Variants in GRIK1 observed in about 807,000 individuals in gnomAD.
GRIK1 encodes glutamate ionotropic receptor kainate type subunit 1.
GRIK1 carries 69 observed loss-of-function variants against 105.7 expected under a neutral mutation model. The observed-to-expected ratio is 0.65, with a 90% CI of 0.54 to 0.80. The LOEUF is 0.80. Among genes scored for constraint, GRIK1 ranks in the 30% least tolerant of loss-of-function variants. The pLI is 0.00. For missense variants in GRIK1, 1,109 were observed against 1,167.3 expected, an observed-to-expected ratio of 0.95 and a Z score of 0.73; for synonymous variants, 438 against 431.3, an observed-to-expected ratio of 1.02 and a Z score of -0.19.
intron 1 of GRIK1, among the ~76,000 whole-genome samples, chr21:29,770,129 A>G (rs1379843870): frequency 2.0e-5 from 3 of 152,166 alleles, no homozygotes; most frequent in African/African-American, 7.2e-5. Context: ...TCTTCTTTCA[A>G]CTGATACAAA....
chr21:29,551,811 G>A (rs2090140860), intron 16 of GRIK1, among the ~76,000 whole-genome samples: 1 of 152,068 alleles, frequency 6.6e-6, no homozygotes, highest in Admixed American at 6.5e-5. Context: ...GTCTTTGGGA[G>A]AGTAAACTTA....
chr21:29,721,107 A>G (rs917529638), intron 1 of GRIK1, among the ~76,000 whole-genome samples: 1 of 149,060 alleles, frequency 6.7e-6, no homozygotes, highest in African/African-American at 2.5e-5. Context: ...CCTCTCCCCT[A>G]TGAAGAAGGT....
chr21:29,615,803 G>A (rs1309418655), intron 7 of GRIK1, among the ~76,000 whole-genome samples: 2 of 152,124 alleles, frequency 1.3e-5, no homozygotes, highest in Non-Finnish European at 1.5e-5. Context: ...AGGCTTTTGC[G>A]GTTTCACCTG....
chr21:29,647,938 A>G (rs2062652105), intron 6 of GRIK1, among the ~76,000 whole-genome samples: 1 of 152,172 alleles, frequency 6.6e-6, no homozygotes, highest in Non-Finnish European at 1.5e-5. Flanking sequence ...TAATTTTTAA[A>G]CTAAATTTTT....
At chr21:29,865,442 G>A (rs80190227) in intron 1 of GRIK1, among the ~76,000 whole-genome samples, 1 of 152,154 alleles carries the variant, frequency 6.6e-6, no homozygotes, top group African/African-American at 2.4e-5. Context: ...GAATAAATAC[G>A]TAAAATTCTG....
At position 29,934,566 on chromosome 21, in the gene GRIK1, TA is replaced by T. The variant is rs563369070; in HGVS notation, c.118+4816del. On this transcript the variant is annotated intron_variant, in intron 1 of 17. Coordinates refer to ENST00000327783, the MANE Select transcript of GRIK1 (RefSeq NM_001330994.2). ...CTTGCTTTTAGTTATTCCAGGTAAC[TA>T]AATTACTGAAAGTAAGTGTTATTTA... is the stretch of plus-strand genomic sequence containing the variant. 1.3e-3 allele frequency among the ~76,000 whole-genome samples: 193 copies of T among 152,334 alleles called. 1 individual carries two copies. The highest frequency in any genetic ancestry group is 4.4e-3 in the African/African-American group (185 of 41,592).
chr21:29,839,846 A>AAGAG (rs2067926772), intron 1 of GRIK1, among the ~76,000 whole-genome samples: 3 of 152,200 alleles, frequency 2.0e-5, no homozygotes, highest in Non-Finnish European at 4.4e-5. Flanking sequence ...CAAGAACACT[A>AAGAG]ATCTCGCTGG....
intron 15 of GRIK1, among the ~76,000 whole-genome samples, chr21:29,556,420 A>C (rs113273678): frequency 6.6e-6 from 1 of 152,176 alleles, no homozygotes; most frequent in Admixed American, 6.5e-5. Flanking sequence ...TGAAGAAATG[A>C]AGTCTCCATT....
At chr21:29,917,734 A>AT (rs753481976) in intron 1 of GRIK1, among the ~76,000 whole-genome samples, 61 of 151,908 alleles carry the variant, frequency 4.0e-4, no homozygotes, top group Non-Finnish European at 8.0e-4. Flanking sequence ...CAGTATTTAC[A>AT]TTTTTTCACT....
intron 7 of GRIK1, among the ~76,000 whole-genome samples, chr21:29,614,634 A>G (rs1414730787): frequency 6.6e-6 from 1 of 151,064 alleles, no homozygotes; most frequent in African/African-American, 2.5e-5. Flanking sequence ...GCTGGTCTCA[A>G]ACTCTCGACC....
intron 1 of GRIK1, among the ~76,000 whole-genome samples, chr21:29,821,599 A>T (rs1164055257): frequency 6.6e-6 from 1 of 152,020 alleles, no homozygotes; most frequent in Non-Finnish European, 1.5e-5. Flanking sequence ...TTTTAAGCAG[A>T]TATTCGTAAC....
At chr21:29,782,463 A>C (rs1239299136) in intron 1 of GRIK1, among the ~76,000 whole-genome samples, 1 of 152,080 alleles carries the variant, frequency 6.6e-6, no homozygotes, top group Admixed American at 6.5e-5. Context: ...TGCGCCAAAC[A>C]CTTCACAGAT....
Position 29,598,804 on chromosome 21 carries a change from T to G in GRIK1, c.1206+26A>C, listed in dbSNP as rs768076108. On this transcript the variant is annotated intron_variant, in intron 8 of 17. Coordinates refer to ENST00000327783, the MANE Select transcript of GRIK1 (RefSeq NM_001330994.2). ...CCTGAACAATGTTCATTTGTTATTTTATTTATTTATTGTTAAGGAGGTTAC... is the reference window on the plus strand; with the variant it reads ...CCTGAACAATGTTCATTTGTTATTTGATTTATTTATTGTTAAGGAGGTTAC... The G allele has an allele frequency of 1.1e-5, 11 of 992,454 alleles. No homozygotes were observed. In the Admixed American group the frequency reaches 1.9e-4, roughly 17 times the overall value. The allele number at this position is 992,454 out of a possible 1,614,324, so 61.5% of individuals were successfully genotyped here. A position where few individuals can be genotyped will look rare whatever the true frequency, so the allele number is the denominator to read the frequency against.
chr21:29,924,832 C>T (rs183383274), intron 1 of GRIK1, among the ~76,000 whole-genome samples: 105 of 152,276 alleles, frequency 6.9e-4, no homozygotes, highest in African/African-American at 2.4e-3. Flanking sequence ...AGAAGGACCT[C>T]ATTCTTACCT....
intron 1 of GRIK1, among the ~76,000 whole-genome samples, chr21:29,776,265 T>C (rs1414515595): frequency 6.6e-6 from 1 of 152,204 alleles, no homozygotes; most frequent in Non-Finnish European, 1.5e-5. Context: ...TATCAATGAT[T>C]TACCTTTTTA....
At position 29,758,656 on chromosome 21, in the gene GRIK1, T is replaced by A. The variant is rs115950333; in HGVS notation, c.119-64593A>T. On this transcript the variant is annotated intron_variant, in intron 1 of 17. Transcript: ENST00000327783. ...TTATTTTGACGTTGTTGGAAGGGAT[T>A]GCCACAAAACATCATTAGACTAATT... Among the ~76,000 whole-genome samples, 740 of 152,326 alleles carry A rather than the reference T, an allele frequency of 4.9e-3. 7 individuals carry two copies. Among genetic ancestry groups the A allele is most frequent in the African/African-American group, 0.017 (705 of 41,558 alleles).
intron 1 of GRIK1, among the ~76,000 whole-genome samples, chr21:29,744,595 T>C (rs748368103): frequency 5.3e-5 from 8 of 152,060 alleles, no homozygotes; most frequent in Non-Finnish European, 8.8e-5. Flanking sequence ...GGAATTCTAT[T>C]GTCTTGCTTC....
chr21:29,716,292 G>A (rs1232715045), intron 1 of GRIK1, among the ~76,000 whole-genome samples: 1 of 152,176 alleles, frequency 6.6e-6, no homozygotes, highest in Admixed American at 6.5e-5. Flanking sequence ...GCACAGTGGG[G>A]TGCTGCTATA....
At chr21:29,930,512 A>G (rs1006689105) in intron 1 of GRIK1, among the ~76,000 whole-genome samples, 1 of 152,194 alleles carries the variant, frequency 6.6e-6, no homozygotes, top group Non-Finnish European at 1.5e-5. Context: ...TTGATTTTTA[A>G]AGGCATATTT....
Sources: gnomAD v4.1 joint callset for allele counts (sites outside exome capture counted in the v4.1 genomes callset) on GRCh38, gnomAD v4.1.1 for gene constraint, MANE v1.5 for transcripts, NCBI Gene and HGNC (gene_info 2026-07-23, HGNC 2026-07-21) for gene names.